Variants in ENAH observed in about 807,000 individuals in gnomAD.
The protein encoded by ENAH is ENAH actin regulator, also known as protein enabled homolog.
A neutral mutation model predicts 78.7 loss-of-function variants in ENAH; 23 were observed. The ratio of observed to expected loss-of-function variants is 0.29; its 90% CI spans 0.21 to 0.41. The LOEUF (loss-of-function observed/expected upper bound fraction) is 0.41. Among genes scored for constraint, ENAH ranks in the 10% least tolerant of loss-of-function variants. ENAH has a pLI of 1.00. For synonymous variants in ENAH, 226 were observed against 241.0 expected, an observed-to-expected ratio of 0.94 and a Z score of 0.58; for missense variants, 544 against 691.0, an observed-to-expected ratio of 0.79 and a Z score of 2.39.
chr1:225,640,629 T>C lies in ENAH; in HGVS notation c.5+12057A>G, dbSNP rs544841541. Among the ~76,000 whole-genome samples the C allele has an allele frequency of 2.0e-5, 3 of 152,178 alleles. No individual in the cohort carries two copies. The South Asian group carries it at 6.2e-4, about 32-fold the overall frequency. The stretch of plus-strand genomic sequence containing the variant: ...GCCTGAGATGGAATCCCAGTTCCAC[T>C]CTCTACTAACTGGGTGACCCTGGGC... On this transcript the variant is annotated intron_variant, in intron 1 of 13. Coordinates refer to ENST00000366843, the MANE Select transcript of ENAH (RefSeq NM_018212.6).
intron 1 of ENAH, among the ~76,000 whole-genome samples, chr1:225,637,648 T>C (rs1660304080): frequency 6.6e-6 from 1 of 152,234 alleles, no homozygotes. Flanking sequence ...GTGCTGGTTT[T>C]TAATTTAAAT....
At chr1:225,615,190 GCGC>G (rs1426335961) in intron 1 of ENAH, among the ~76,000 whole-genome samples, 1 of 152,168 alleles carries the variant, frequency 6.6e-6, no homozygotes, top group Admixed American at 6.5e-5. Flanking sequence ...TTGCAGGCGC[GCGC>G]CGCCACGCCT....
intron 2 of ENAH, among the ~76,000 whole-genome samples, chr1:225,565,794 G>C (rs1360484971): frequency 6.6e-6 from 1 of 152,054 alleles, no homozygotes; most frequent in African/African-American, 2.4e-5. Context: ...TGGGAGACCA[G>C]AAAAAGGCTG....
chr1:225,642,911 C>A (rs988907492), intron 1 of ENAH, among the ~76,000 whole-genome samples: 3 of 152,190 alleles, frequency 2.0e-5, no homozygotes, highest in African/African-American at 7.2e-5. Context: ...TTACCTATCA[C>A]ATTGGCAAAG....
Position 225,512,693 on chromosome 1 carries a change from T to A in ENAH, c.1386A>T (p.Gly462=). Residue 462 remains glycine, a synonymous_variant, in exon 9 of 14, where the codon GGA becomes GGT. Transcript: ENST00000366843. The stretch of plus-strand genomic sequence containing the variant: ...CTTTTTGTTCTGTTTCTATTGTTGA[T>A]CCCTTTTCAGCAATTCTTCTCCTAC... ...LARRRRIAEK[G]STIETEQKED... The A allele has an allele frequency of 6.2e-7, 1 of 1,613,908 alleles. No homozygotes were observed. Among genetic ancestry groups the A allele is most frequent in the Non-Finnish European group, 8.5e-7 (1 of 1,179,922 alleles).
rs2096479433 is a variant in ENAH, at chr1:225,522,747, G to A, written c.435-3182C>T. Among the ~76,000 whole-genome samples, 4 of 152,046 alleles carry A rather than the reference G, an allele frequency of 2.6e-5. No individual in the cohort carries two copies. The South Asian group carries it at 8.3e-4, about 32-fold the overall frequency. On this transcript the variant is annotated intron_variant, in intron 4 of 13. Transcript: ENST00000366843. ...AAATATGGGCCATTTTACATATAAT[G>A]CTCTAAGCAATCTGTTGGGCCCAAA...
intron 1 of ENAH, among the ~76,000 whole-genome samples, chr1:225,590,044 T>G (rs933339181): frequency 6.6e-6 from 1 of 151,070 alleles, no homozygotes; most frequent in African/African-American, 2.4e-5. Context: ...TAAAATTTGG[T>G]AGATGCTGTG....
At chr1:225,547,720 T>A (rs74149842) in intron 3 of ENAH, among the ~76,000 whole-genome samples, 1 of 152,266 alleles carries the variant, frequency 6.6e-6, no homozygotes, top group African/African-American at 2.4e-5. Context: ...GCCAAACAAT[T>A]CCCTGCTCTA....
At position 225,512,674 on chromosome 1, in the gene ENAH, G is replaced by C. The variant is rs77211786; in HGVS notation, c.1405C>G (p.Gln469Glu). 11 of 1,612,332 alleles carry C rather than the reference G, an allele frequency of 6.8e-6. No homozygotes were observed. Among genetic ancestry groups the C allele is most frequent in the Non-Finnish European group, 9.3e-6 (11 of 1,179,368 alleles). Residue 469 changes from glutamine (Q) to glutamate (E), a missense_variant, in exon 9 of 14, where the codon CAA becomes GAA. By Grantham distance (29) the Gln-to-Glu change is conservative (BLOSUM62 2). Around this residue, in one of 4 missense-constraint regions of ENAH, gnomAD observed 97 missense variants for 124.4 expected, o/e 0.78. Transcript: ENST00000366843. ...AEKGSTIETEQKEDKGEDSEP... is the reference protein window; with the variant it reads ...AEKGSTIETEEKEDKGEDSEP... ...TAACTTACACCTTTGTCCTCTTTTT[G>C]TTCTGTTTCTATTGTTGATCCCTTT...
chr1:225,639,745 A>AC (rs1558949307), intron 1 of ENAH, among the ~76,000 whole-genome samples: 21 of 101,210 alleles, frequency 2.1e-4, no homozygotes, highest in African/African-American at 9.6e-4. Flanking sequence ...CACACACACA[A>AC]GAAGGATGGT....
intron 1 of ENAH, among the ~76,000 whole-genome samples, chr1:225,579,613 C>G (rs975129832): frequency 5.9e-5 from 9 of 152,138 alleles, no homozygotes; most frequent in African/African-American, 1.7e-4. Flanking sequence ...GACATGCACA[C>G]AGAAACATGA....
At chr1:225,574,169 T>C (rs1057210423) in intron 1 of ENAH, among the ~76,000 whole-genome samples, 5 of 152,138 alleles carry the variant, frequency 3.3e-5, no homozygotes. Flanking sequence ...ATGTCTACAA[T>C]ATTATGACAT....
chr1:225,494,207 C>G lies in ENAH; in HGVS notation c.*3568G>C, dbSNP rs2096238643. 1 of 150,962 alleles carries G rather than the reference C, an allele frequency of 6.6e-6. No homozygotes were observed. Among genetic ancestry groups the G allele is most frequent in the South Asian group, 2.1e-4 (1 of 4,790 alleles). 9.4% of individuals were successfully genotyped at this position (150,962 alleles called of 1,614,324 possible). On this transcript the variant is annotated 3_prime_UTR_variant, in exon 14 of 14. Coordinates refer to ENST00000366843, the MANE Select transcript of ENAH (RefSeq NM_018212.6). ...GGGAAGGGGAAAATTTGGGTCTGGT[C>G]AAAGAAAAAATACAAGGATTGTATT... is the stretch of plus-strand genomic sequence containing the variant.
At chr1:225,558,627 C>CTTTTTTTTTTTTTTTTTTTT (rs71170091) in intron 2 of ENAH, among the ~76,000 whole-genome samples, 3 of 69,218 alleles carry the variant, frequency 4.3e-5, no homozygotes, top group African/African-American at 5.6e-5. Context: ...TAATTTCTGC[C>CTTTTTTTTTTTTTTTTTTTT]TTTTTTTTTT....
chr1:225,609,880 G>T (rs1480558330), intron 1 of ENAH, among the ~76,000 whole-genome samples: 1 of 151,748 alleles, frequency 6.6e-6, no homozygotes, highest in Admixed American at 6.6e-5. Flanking sequence ...GGCCAGGCTG[G>T]TCTGAACTCC....
chr1:225,545,842 A>C (rs531951574), intron 3 of ENAH, among the ~76,000 whole-genome samples: 1 of 152,046 alleles, frequency 6.6e-6, no homozygotes, highest in Non-Finnish European at 1.5e-5. Context: ...GAAAATTAAA[A>C]CATGGAGAAC....
In ENAH at chr1:225,490,114, A is replaced by G. The variant is rs553218035; in HGVS notation, c.*7661T>C. The G allele has an allele frequency of 6.6e-6, 1 of 152,284 alleles. No homozygotes were observed. Among genetic ancestry groups the G allele is most frequent in the East Asian group, 1.9e-4 (1 of 5,178 alleles). 9.4% of individuals were successfully genotyped at this position (152,284 alleles called of 1,614,324 possible). A position where few individuals can be genotyped will look rare whatever the true frequency, so the allele number is the denominator to read the frequency against. ...CTAGCCCCACAGCCTGAAAACTGGT[A>G]AAGTCAGTCCCAGTCCAATGACCTG... On this transcript the variant is annotated 3_prime_UTR_variant, in exon 14 of 14. Transcript: ENST00000366843.
In ENAH at chr1:225,652,897, AG is replaced by A. The variant is rs1558970279; in HGVS notation, c.-208del. On this transcript the variant is annotated 5_prime_UTR_variant, in exon 1 of 14. Coordinates refer to ENST00000366843, the MANE Select transcript of ENAH (RefSeq NM_018212.6). ...AGTGTGGGAGAAGAGGGCGAGAGAA[AG>A]GCTGGGGAGGGGGCGGAGAGGCCGA... The A allele has an allele frequency of 2.5e-6, 1 of 397,218 alleles. No homozygotes were observed. The highest frequency in any genetic ancestry group is 4.4e-6 in the Non-Finnish European group (1 of 226,598). 24.6% of individuals were successfully genotyped at this position (397,218 alleles called of 1,614,324 possible).
chr1:225,554,875 A>G, intron 3 of ENAH, 31 bp downstream of exon 3: 1 of 1,453,806 alleles, frequency 6.9e-7, no homozygotes, highest in Non-Finnish European at 9.2e-7. Context: ...GGAAAAAGAA[A>G]GAAAATACAA....
Sources: allele counts gnomAD v4.1 joint callset (sites outside exome capture counted in the v4.1 genomes callset), GRCh38; gene constraint gnomAD v4.1.1; regional missense constraint gnomAD v4.1.1; transcripts MANE v1.5; gene names NCBI Gene and HGNC (gene_info 2026-07-23, HGNC 2026-07-21).